Variants in MEDAG observed in about 807,000 individuals in gnomAD.
The protein encoded by MEDAG is mesenteric estrogen dependent adipogenesis.
A neutral mutation model predicts 29.9 loss-of-function variants in MEDAG; 25 were observed. The observed-to-expected ratio is 0.84, with a 90% CI of 0.61 to 1.17. The LOEUF (loss-of-function observed/expected upper bound fraction) is 1.17. MEDAG is among the 50% of genes most tolerant of loss of function. MEDAG has a pLI of 0.00. For synonymous variants in MEDAG, 158 were observed against 148.2 expected (o/e 1.07, Z -0.48); for missense variants, 398 against 372.9 (o/e 1.07, Z -0.56).
In MEDAG at chr13:30,906,506, C is replaced by G; in HGVS notation, c.-10C>G. 5 of 1,505,760 alleles carry G rather than the reference C, an allele frequency of 3.3e-6. No individual in the cohort carries two copies. The highest frequency in any genetic ancestry group is 4.4e-6 in the Non-Finnish European group (5 of 1,134,638). 93.3% of individuals were successfully genotyped at this position (1,505,760 alleles called of 1,614,324 possible). A position where few individuals can be genotyped will look rare whatever the true frequency, so the allele number is the denominator to read the frequency against. ...CGGAAGCAGGCGGTGTGAGGACCGA[C>G]GACGCGGGCATGGCGGGGGCGGCCT... is the stretch of plus-strand genomic sequence containing the variant. On this transcript the variant is annotated 5_prime_UTR_variant, in exon 1 of 5. Coordinates refer to ENST00000380482, the MANE Select transcript of MEDAG (RefSeq NM_032849.4).
chr13:30,907,058 G>A (rs1285505949), intron 1 of MEDAG, among the ~76,000 whole-genome samples: 2 of 152,226 alleles, frequency 1.3e-5, no homozygotes, highest in African/African-American at 4.8e-5. Flanking sequence ...GAGGGGGAGG[G>A]CAGGGGCCCC....
At position 30,924,473 on chromosome 13, in the gene MEDAG, G is replaced by C. The variant is rs898213586; in HGVS notation, c.*38G>C. ...TTGTAGCAGTTGCTCCCGCACTCCA[G>C]GCCTGTGCTAGACTATAGGCTGGGG... On this transcript the variant is annotated 3_prime_UTR_variant, in exon 5 of 5. Coordinates refer to ENST00000380482, the MANE Select transcript of MEDAG (RefSeq NM_032849.4). 1 of 1,607,982 alleles carries C rather than the reference G, an allele frequency of 6.2e-7. No homozygotes were observed. The highest frequency in any genetic ancestry group is 1.3e-5 in the African/African-American group (1 of 74,780).
chr13:30,906,952 C>T (rs1240910414), intron 1 of MEDAG, among the ~76,000 whole-genome samples, 159 bp downstream of exon 1: 1 of 152,232 alleles, frequency 6.6e-6, no homozygotes, highest in Non-Finnish European at 1.5e-5. Flanking sequence ...TTCTATCACC[C>T]GGAGCCTGCA....
At chr13:30,917,289 C>T (rs1952938225) in intron 1 of MEDAG, 114 bp from the exon 2 acceptor site, 1 of 718,310 alleles carries the variant, frequency 1.4e-6, no homozygotes, top group Admixed American at 2.4e-5. Context: ...GGATGCATTT[C>T]AAGGAACTTC....
At chr13:30,914,206 A>T (rs1472183411) in intron 1 of MEDAG, among the ~76,000 whole-genome samples, 1 of 152,234 alleles carries the variant, frequency 6.6e-6, no homozygotes, top group African/African-American at 2.4e-5. Flanking sequence ...GTTTTAGTGA[A>T]TGCTCACATT....
chr13:30,914,026 A>C (rs1333259967), intron 1 of MEDAG, among the ~76,000 whole-genome samples: 1 of 152,112 alleles, frequency 6.6e-6, no homozygotes, highest in Admixed American at 6.5e-5. Flanking sequence ...TGGGTGAAAG[A>C]GTGAGACTCC....
chr13:30,920,874 G>A, intron 2 of MEDAG, 140 bp from the exon 3 acceptor site: 2 of 690,198 alleles, frequency 2.9e-6, no homozygotes, highest in Non-Finnish European at 5.0e-6. Flanking sequence ...TTGTAGTAAG[G>A]TTGTGAGGGA....
At position 30,906,521 on chromosome 13, in the gene MEDAG, G is replaced by A. The variant is rs1952830347; in HGVS notation, c.6G>A (p.Ala2=). Residue 2 remains alanine, a synonymous_variant, in exon 1 of 5, where the codon GCG becomes GCA. Coordinates refer to ENST00000380482, the MANE Select transcript of MEDAG (RefSeq NM_032849.4). The part of the protein sequence containing the change: M[A]GAACEPVARP... Reference sequence around the variant, plus strand: ...TGAGGACCGACGACGCGGGCATGGCGGGGGCGGCCTGCGAGCCGGTGGCCA... The same window carrying A: ...TGAGGACCGACGACGCGGGCATGGCAGGGGCGGCCTGCGAGCCGGTGGCCA... 2 of 1,510,036 alleles carry A rather than the reference G, an allele frequency of 1.3e-6. No individual in the cohort carries two copies. Among genetic ancestry groups the A allele is most frequent in the South Asian group, 1.3e-5 (1 of 77,566 alleles). The allele number at this position is 1,510,036 out of a possible 1,614,324, so 93.5% of individuals were successfully genotyped here.
chr13:30,911,070 T>C (rs1476489700), intron 1 of MEDAG, among the ~76,000 whole-genome samples: 1 of 152,230 alleles, frequency 6.6e-6, no homozygotes, highest in East Asian at 1.9e-4. Context: ...GGCTCTGCTC[T>C]TTGCGAGCTG....
At chr13:30,921,422 C>A in intron 3 of MEDAG, 139 bp from the exon 4 acceptor site, 1 of 876,590 alleles carries the variant, frequency 1.1e-6, no homozygotes, top group Non-Finnish European at 1.7e-6. Flanking sequence ...AAAATAAAGA[C>A]AACAGTTTAA....
At chr13:30,914,149 C>T (rs1276459917) in intron 1 of MEDAG, among the ~76,000 whole-genome samples, 1 of 152,192 alleles carries the variant, frequency 6.6e-6, no homozygotes, top group Non-Finnish European at 1.5e-5. Context: ...ATGTCAGAAA[C>T]TTAAATATCT....
chr13:30,924,514 G>A lies in MEDAG; in HGVS notation c.*79G>A. The A allele has an allele frequency of 7.0e-7, 1 of 1,437,116 alleles. No individual in the cohort carries two copies. Among genetic ancestry groups the A allele is most frequent in the Non-Finnish European group, 9.4e-7 (1 of 1,067,038 alleles). The allele number at this position is 1,437,116 out of a possible 1,614,324, so 89.0% of individuals were successfully genotyped here. A position where few individuals can be genotyped will look rare whatever the true frequency, so the allele number is the denominator to read the frequency against. ...TAGGCTGGGGGGAGGGTAGGAGGTG[G>A]GAGGCAGATACTTCCACCTGCGTGT... On this transcript the variant is annotated 3_prime_UTR_variant, in exon 5 of 5. Transcript: ENST00000380482.
At chr13:30,912,506 AACACACACACACAC>A (rs67281071) in intron 1 of MEDAG, among the ~76,000 whole-genome samples, 15 of 150,666 alleles carry the variant, frequency 1.0e-4, no homozygotes, top group South Asian at 6.3e-4. Flanking sequence ...TTTTTTAATG[AACACACACACACAC>A]ACACACACAC....
intron 2 of MEDAG, 85 bp downstream of exon 2, chr13:30,917,597 G>C (rs1772980184): frequency 1.3e-6 from 1 of 768,488 alleles, no homozygotes; most frequent in Non-Finnish European, 2.2e-6. Flanking sequence ...AGGTTTAATT[G>C]GCTCACGGTT....
chr13:30,924,422 A>G lies in MEDAG; in HGVS notation c.899A>G (p.Asn300Ser), dbSNP rs1168153693. The G allele has an allele frequency of 2.5e-6, 4 of 1,613,934 alleles. No individual in the cohort carries two copies. The African/African-American group carries it at 4.0e-5, about 16-fold the overall frequency. Residue 300 changes from asparagine (N) to serine (S), a missense_variant, in exon 5 of 5, where the codon AAC (asparagine) becomes AGC (serine). Transcript: ENST00000380482. ...GTTCTGGAATCTGAAGAGACACCCA[A>G]CCAATTTATCTGATTGAACTGAACA... ...PSVLESEETP[N>S]QFI
chr13:30,921,634 T>C lies in MEDAG; in HGVS notation c.575T>C (p.Phe192Ser). Residue 192 changes from phenylalanine (F) to serine (S), a missense_variant, in exon 4 of 5, where the codon TTT becomes TCT. Transcript: ENST00000380482. ...GTGGTTAATGGAGAAAATTTAAGCT[T>C]TGCATATGAATTCAAAGCTGATGCA... Reference protein sequence around the residue: ...NEVVNGENLSFAYEFKADALF... With the variant: ...NEVVNGENLSSAYEFKADALF... 7 of 1,613,782 alleles carry C rather than the reference T, an allele frequency of 4.3e-6. No individual in the cohort carries two copies. Among genetic ancestry groups the C allele is most frequent in the Non-Finnish European group, 5.9e-6 (7 of 1,179,936 alleles).
At chr13:30,920,781 A>G (rs1952975853) in intron 2 of MEDAG, among the ~76,000 whole-genome samples, 1 of 152,230 alleles carries the variant, frequency 6.6e-6, no homozygotes, top group African/African-American at 2.4e-5. Flanking sequence ...GGAGCTGATT[A>G]TCTAGCCTGC....
intron 2 of MEDAG, among the ~76,000 whole-genome samples, chr13:30,920,793 T>C (rs1952976066): frequency 6.6e-6 from 1 of 152,126 alleles, no homozygotes; most frequent in Admixed American, 6.5e-5. Flanking sequence ...CTAGCCTGCC[T>C]TTACAGCAGC....
chr13:30,919,699 G>A (rs149074017), intron 2 of MEDAG, among the ~76,000 whole-genome samples: 21 of 152,306 alleles, frequency 1.4e-4, no homozygotes, highest in African/African-American at 3.4e-4. Context: ...TTGGTGGACC[G>A]AAGGTTTGTC....
Sources: allele counts gnomAD v4.1 joint callset (sites outside exome capture counted in the v4.1 genomes callset), GRCh38; gene constraint gnomAD v4.1.1; transcripts MANE v1.5; gene names NCBI Gene and HGNC (gene_info 2026-07-23, HGNC 2026-07-21).